Variants in SOS2 observed in about 807,000 individuals in gnomAD.
SOS2 encodes SOS Ras/Rho guanine nucleotide exchange factor 2.
Under a neutral mutation model 148.2 loss-of-function variants are expected in SOS2, and 65 were observed. The observed-to-expected ratio is 0.44, with a 90% CI of 0.36 to 0.54. SOS2 has a LOEUF of 0.54. Ranked by LOEUF, SOS2 falls within the 20% of genes least tolerant of loss-of-function variation. The pLI, the probability that SOS2 is intolerant of heterozygous loss-of-function variation, is 0.00. For missense variants in SOS2, 1,341 were observed against 1,590.2 expected (o/e 0.84, Z 2.67); for synonymous variants, 539 against 537.1 (o/e 1.00, Z -0.05).
At position 50,172,285 on chromosome 14, in the gene SOS2, G is replaced by T. The variant is rs1269842894; in HGVS notation, c.1068+2169C>A. Among the ~76,000 whole-genome samples the T allele has an allele frequency of 2.0e-5, 3 of 151,958 alleles. No individual in the cohort carries two copies. The East Asian group carries it at 5.8e-4, about 29-fold the overall frequency. On this transcript the variant is annotated intron_variant, in intron 8 of 22. Transcript: ENST00000216373. ...TTTGCCATTTCTAATCTCTTCTAAG[G>T]CTTGTCTTTCCATTCCACATTTCTA...
rs2139629568 is a variant in SOS2 at position 50,159,921 on chromosome 14, T to C, written c.1362A>G (p.Lys454=). The stretch of plus-strand genomic sequence containing the variant: ...CAAACAGAAAAATATGCCGTTCATG[T>C]TTGGCACCGATTCTTGTCAATGGTC... ...MEGPLTRIGA[K]HERHIFLFDG... Residue 454 remains lysine (K), a synonymous_variant, in exon 10 of 23, where the codon AAA becomes AAG. Transcript: ENST00000216373. The C allele has an allele frequency of 6.2e-7, 1 of 1,614,186 alleles. No individual in the cohort carries two copies. The highest frequency in any genetic ancestry group is 1.6e-4 in the Middle Eastern group (1 of 6,062).
intron 4 of SOS2, among the ~76,000 whole-genome samples, chr14:50,193,278 T>C (rs1287334334): frequency 6.6e-6 from 1 of 151,832 alleles, no homozygotes; most frequent in Admixed American, 6.6e-5. Flanking sequence ...CTGGGCTCCA[T>C]CTATCCTCCT....
intron 1 of SOS2, among the ~76,000 whole-genome samples, chr14:50,225,137 T>C (rs1887330270): frequency 1.3e-5 from 2 of 152,190 alleles, no homozygotes; most frequent in Admixed American, 1.3e-4. Flanking sequence ...TAATTTTTTA[T>C]GGACATGGGG....
intron 4 of SOS2, among the ~76,000 whole-genome samples, chr14:50,189,058 C>A (rs1886019402): frequency 8.0e-6 from 1 of 125,104 alleles, no homozygotes; most frequent in Non-Finnish European, 1.6e-5. Context: ...GAGCGAGACT[C>A]CATCACACAC....
At chr14:50,211,581 A>G (rs1206026463) in intron 1 of SOS2, among the ~76,000 whole-genome samples, 1 of 148,226 alleles carries the variant, frequency 6.7e-6, no homozygotes, top group Non-Finnish European at 1.5e-5. Context: ...TAATTCACTC[A>G]GGAGGGAAAA....
At chr14:50,135,077 A>C (rs1401298580) in intron 18 of SOS2, among the ~76,000 whole-genome samples, 5 of 142,622 alleles carry the variant, frequency 3.5e-5, no homozygotes, top group Admixed American at 2.7e-4. Flanking sequence ...GTCTCAAAAA[A>C]AAAAAAAAAA....
chr14:50,138,945 C>G (rs2139552048), intron 17 of SOS2, among the ~76,000 whole-genome samples, 161 bp from the exon 18 acceptor site: 1 of 152,074 alleles, frequency 6.6e-6, no homozygotes, highest in Admixed American at 6.5e-5. Flanking sequence ...CAATCATTAA[C>G]TCTCCATTAA....
intron 18 of SOS2, among the ~76,000 whole-genome samples, chr14:50,136,162 C>T (rs1044187650): frequency 1.3e-5 from 2 of 152,196 alleles, no homozygotes; most frequent in African/African-American, 2.4e-5. Flanking sequence ...TAAATATTAG[C>T]CACTAGTAAT....
intron 12 of SOS2, 35 bp downstream of exon 12, chr14:50,156,964 T>C (rs1044918097): frequency 2.2e-5 from 19 of 850,576 alleles, no homozygotes; most frequent in Non-Finnish European, 3.2e-5. Flanking sequence ...TATATATGTG[T>C]ATATATATAT....
intron 21 of SOS2, among the ~76,000 whole-genome samples, chr14:50,121,704 T>C (rs1883519961): frequency 6.6e-6 from 1 of 151,890 alleles, no homozygotes; most frequent in Admixed American, 6.6e-5. Context: ...TGTCAAAAAT[T>C]GCTATCTCAG....
chr14:50,148,361 G>C (rs1884559069), intron 14 of SOS2, among the ~76,000 whole-genome samples: 1 of 147,342 alleles, frequency 6.8e-6, no homozygotes, highest in Non-Finnish European at 1.5e-5. Context: ...AGTGAGCCGA[G>C]ATTGCACAAC....
chr14:50,163,875 G>A (rs1885088432), intron 8 of SOS2, among the ~76,000 whole-genome samples: 1 of 152,038 alleles, frequency 6.6e-6, no homozygotes, highest in African/African-American at 2.4e-5. Flanking sequence ...TGTCTACTTG[G>A]TCTTAAGGCT....
chr14:50,133,662 T>C (rs1304911104), intron 19 of SOS2, among the ~76,000 whole-genome samples: 1 of 152,238 alleles, frequency 6.6e-6, no homozygotes, highest in African/African-American at 2.4e-5. Context: ...CTACTACTTC[T>C]GTTGCCACTG....
At chr14:50,160,690 A>T (rs1012733717) in intron 9 of SOS2, among the ~76,000 whole-genome samples, 2 of 152,030 alleles carry the variant, frequency 1.3e-5, no homozygotes, top group African/African-American at 4.8e-5. Context: ...CCCAGCCAAC[A>T]ATGCTAATCT....
Position 50,118,633 on chromosome 14 carries a change from G to C in SOS2, c.3710C>G (p.Pro1237Arg). ...FINCPFNLQP[P>R]PLGHLHRDSD... Reference sequence around the variant, plus strand: ...ATCTCTGTGAAGATGCCCCAGTGGAGGTGGCTGAAGATTAAATGGACAGTT... The same window carrying C: ...ATCTCTGTGAAGATGCCCCAGTGGACGTGGCTGAAGATTAAATGGACAGTT... The change falls in exon 23 of 23, where the codon CCT becomes CGT. Residue 1237 changes from proline (P) to arginine (R), a missense_variant. Transcript: ENST00000216373. The C allele has an allele frequency of 6.2e-7, 1 of 1,614,090 alleles. No individual in the cohort carries two copies. The highest frequency in any genetic ancestry group is 8.5e-7 in the Non-Finnish European group (1 of 1,180,008).
At chr14:50,189,695 G>A (rs1045210340) in intron 4 of SOS2, among the ~76,000 whole-genome samples, 1 of 152,100 alleles carries the variant, frequency 6.6e-6, no homozygotes, top group Non-Finnish European at 1.5e-5. Flanking sequence ...CTGCTATTAC[G>A]TTCATTTGCT....
chr14:50,204,413 T>TA lies in SOS2; in HGVS notation c.88-5dup, dbSNP rs753908329. On this transcript the variant is annotated splice_region_variant and splice_polypyrimidine_tract_variant and intron_variant, in intron 1 of 22. Transcript: ENST00000216373. ...TGGGATGCACTTGTTCCTGAACCTT[T>TA]AAAAAAAAGTTATCAGTTAAAGTAA... 50 of 1,542,726 alleles carry TA rather than the reference T, an allele frequency of 3.2e-5. No individual in the cohort carries two copies. Among genetic ancestry groups the TA allele is most frequent in the South Asian group, 1.1e-4 (9 of 82,870 alleles).
intron 16 of SOS2, among the ~76,000 whole-genome samples, chr14:50,143,409 A>G (rs1487969873): frequency 2.0e-5 from 3 of 152,094 alleles, no homozygotes; most frequent in Non-Finnish European, 4.4e-5. Flanking sequence ...TAAATCATAA[A>G]GTACCCAATA....
intron 8 of SOS2, among the ~76,000 whole-genome samples, chr14:50,167,880 G>GA (rs1281972927): frequency 4.7e-5 from 7 of 148,792 alleles, no homozygotes; most frequent in South Asian, 2.1e-4. Context: ...AAAAAAAAAA[G>GA]AAAAAAAAAG....
Sources: gnomAD v4.1 joint callset for allele counts (sites outside exome capture counted in the v4.1 genomes callset) on GRCh38, gnomAD v4.1.1 for gene constraint, MANE v1.5 for transcripts, NCBI Gene and HGNC (gene_info 2026-07-23, HGNC 2026-07-21) for gene names.